The following CEP89 variants were observed in gnomAD, a reference collection of about 807,000 sequenced individuals.
The protein encoded by CEP89 is centrosomal protein of 89 kDa.
Under a neutral mutation model 97.6 loss-of-function variants are expected in CEP89, and 95 were observed. That is an observed-to-expected ratio of 0.97 (90% CI 0.82 to 1.15). CEP89 has a LOEUF of 1.15. Ranked by LOEUF, CEP89 falls within the 50% of genes most tolerant of loss-of-function variation. The probability of loss-of-function intolerance (pLI) is 0.00; values close to 1 mark genes in which losing one functional copy is unlikely to be tolerated. For missense variants in CEP89, 869 were observed against 947.7 expected (o/e 0.92, Z 1.09); for synonymous variants, 354 against 349.1 (o/e 1.01, Z -0.16).
intron 5 of CEP89, among the ~76,000 whole-genome samples, chr19:32,946,742 C>T (rs1336981913): frequency 2.0e-5 from 3 of 152,078 alleles, no homozygotes; most frequent in Non-Finnish European, 2.9e-5. Flanking sequence ...ACCCCTTTCT[C>T]TTGGTTCTCA....
rs73926173 is a variant in CEP89 at position 32,881,780 on chromosome 19, A to C, written c.2135+64T>G. 0.02 allele frequency: 28,628 copies of C among 1,442,464 alleles called. 2,825 individuals carry two copies. The African/African-American group carries it at 0.27, about 14-fold the overall frequency. The allele number at this position is 1,442,464 out of a possible 1,614,324, so 89.4% of individuals were successfully genotyped here. ...AAATAAAACAGGCCCAGAGGGTTTT[A>C]GCAGAACCCTCAATCAGACATTCAG... On this transcript the variant is annotated intron_variant, in intron 18 of 18. Coordinates refer to ENST00000305768, the MANE Select transcript of CEP89 (RefSeq NM_032816.5).
chr19:32,960,152 G>A (rs1178010770), intron 2 of CEP89, 94 bp from the exon 3 acceptor site: 5 of 1,344,870 alleles, frequency 3.7e-6, no homozygotes, highest in Non-Finnish European at 3.1e-6. Flanking sequence ...CTTACCTTCT[G>A]CTGGACAGTG....
At chr19:32,911,901 T>C (rs12608955) in intron 14 of CEP89, among the ~76,000 whole-genome samples, 31,556 of 152,046 alleles carry the variant, frequency 0.21, 3,377 homozygotes, top group African/African-American at 0.23. Flanking sequence ...TTCCCCCTTA[T>C]TACAAAAGTG....
chr19:32,880,100 G>A (rs1280392956), intron 18 of CEP89, among the ~76,000 whole-genome samples: 2 of 152,230 alleles, frequency 1.3e-5, no homozygotes, highest in East Asian at 3.9e-4. Context: ...CAGGACAGAT[G>A]AAGGTGGCCA....
intron 7 of CEP89, among the ~76,000 whole-genome samples, chr19:32,934,369 C>T (rs1055942278): frequency 3.3e-5 from 5 of 152,146 alleles, no homozygotes; most frequent in African/African-American, 4.8e-5. Flanking sequence ...AGGAGAAAAC[C>T]GAGGTCACAT....
rs201321869 is a variant in CEP89 at position 32,966,390 on chromosome 19, C to T, written c.116G>A (p.Arg39His). ...TCTCTCTGGAGATGGGTTGGGGCTG[C>T]GGGGAGGAGGTGTGCGTGGCACAGC... ...KAAVPRTPPPRSPNPSPERPR... is the reference protein window; with the variant it reads ...KAAVPRTPPPHSPNPSPERPR... Residue 39 changes from arginine (R) to histidine (H), a missense_variant, in exon 2 of 19, where the codon CGC becomes CAC. By Grantham distance (29) the Arg-to-His change is conservative. Transcript: ENST00000305768. 166 of 1,555,628 alleles carry T rather than the reference C, an allele frequency of 1.1e-4. 1 individual carries two copies. Among genetic ancestry groups the T allele is most frequent in the Non-Finnish European group, 1.2e-4 (139 of 1,147,412 alleles).
intron 16 of CEP89, among the ~76,000 whole-genome samples, chr19:32,891,552 A>G (rs1210925238): frequency 6.6e-6 from 1 of 152,234 alleles, no homozygotes; most frequent in Non-Finnish European, 1.5e-5. Context: ...CTGAAAAAGA[A>G]TTAAAAATAA....
At chr19:32,930,886 A>AT (rs5827826) in intron 9 of CEP89, among the ~76,000 whole-genome samples, 53,270 of 149,630 alleles carry the variant, frequency 0.36, 9,556 homozygotes, top group Admixed American at 0.47. Flanking sequence ...TACTTTTGTT[A>AT]TTTTTTTTTT....
intron 4 of CEP89, among the ~76,000 whole-genome samples, chr19:32,950,875 A>G (rs1273455268): frequency 6.6e-6 from 1 of 152,184 alleles, no homozygotes; most frequent in Non-Finnish European, 1.5e-5. Flanking sequence ...ATACACAATA[A>G]CTGAAGACTC....
At chr19:32,960,221 T>C (rs1971138859) in intron 2 of CEP89, among the ~76,000 whole-genome samples, 163 bp from the exon 3 acceptor site, 1 of 152,216 alleles carries the variant, frequency 6.6e-6, no homozygotes, top group African/African-American at 2.4e-5. Flanking sequence ...CAATCTCATT[T>C]GATTCTCACA....
At chr19:32,952,702 A>G (rs1418629591) in intron 4 of CEP89, among the ~76,000 whole-genome samples, 2 of 151,830 alleles carry the variant, frequency 1.3e-5, no homozygotes, top group Admixed American at 1.3e-4. Context: ...TCAGGAGTTC[A>G]AGACCAGCCT....
chr19:32,922,829 C>T (rs1970277932), intron 12 of CEP89, among the ~76,000 whole-genome samples: 1 of 145,368 alleles, frequency 6.9e-6, no homozygotes, highest in Non-Finnish European at 1.5e-5. Context: ...GCCTGGCCAA[C>T]ACAGCAAGAC....
intron 9 of CEP89, among the ~76,000 whole-genome samples, chr19:32,927,570 G>A (rs879564539): frequency 4.6e-5 from 7 of 151,878 alleles, no homozygotes; most frequent in African/African-American, 1.7e-4. Flanking sequence ...CCAATTCAGG[G>A]TCACATGTTG....
At chr19:32,942,110 A>G (rs924199209) in intron 5 of CEP89, among the ~76,000 whole-genome samples, 4 of 152,094 alleles carry the variant, frequency 2.6e-5, no homozygotes, top group African/African-American at 9.7e-5. Flanking sequence ...GGTCGGGCAC[A>G]CTGGCACATG....
intron 9 of CEP89, among the ~76,000 whole-genome samples, chr19:32,929,236 AC>A (rs1970421015): frequency 6.6e-6 from 1 of 152,220 alleles, no homozygotes; most frequent in South Asian, 2.1e-4. Flanking sequence ...TACGTGATAT[AC>A]AAAAACAGTA....
At chr19:32,926,459 C>T (rs886512480) in intron 10 of CEP89, among the ~76,000 whole-genome samples, 186 bp from the exon 11 acceptor site, 2 of 152,142 alleles carry the variant, frequency 1.3e-5, no homozygotes, top group East Asian at 3.8e-4. Flanking sequence ...TGGATCCTTC[C>T]AATTTCAGGG....
chr19:32,927,859 C>T (rs1970393354), intron 9 of CEP89, among the ~76,000 whole-genome samples: 1 of 149,434 alleles, frequency 6.7e-6, no homozygotes, highest in Non-Finnish European at 1.5e-5. Context: ...CCTGCCTCAG[C>T]TTCACACAGT....
intron 17 of CEP89, among the ~76,000 whole-genome samples, chr19:32,884,976 A>G (rs919665381): frequency 1.3e-5 from 2 of 152,196 alleles, no homozygotes; most frequent in Admixed American, 6.5e-5. Context: ...TGGTTCCCTA[A>G]CAAAAGTAAC....
chr19:32,880,279 C>T (rs918109746), intron 18 of CEP89, among the ~76,000 whole-genome samples: 1 of 152,208 alleles, frequency 6.6e-6, no homozygotes, highest in Non-Finnish European at 1.5e-5. Flanking sequence ...AGGTGGACTT[C>T]GCACCACGGT....
Sources: gnomAD v4.1 joint callset for allele counts (sites outside exome capture counted in the v4.1 genomes callset) on GRCh38, gnomAD v4.1.1 for gene constraint, MANE v1.5 for transcripts, NCBI Gene and HGNC (gene_info 2026-07-23, HGNC 2026-07-21) for gene names.